The following PLPPR1 variants were observed in gnomAD, a reference collection of about 807,000 sequenced individuals.
PLPPR1 encodes phospholipid phosphatase related 1, also known as phospholipid phosphatase-related protein type 1.
A neutral mutation model predicts 33.1 loss-of-function variants in PLPPR1; 10 were observed. The ratio of observed to expected loss-of-function variants is 0.30; its 90% CI spans 0.19 to 0.51. PLPPR1 has a LOEUF of 0.51. PLPPR1 is among the 20% of genes least tolerant of loss of function. The pLI is 0.97. For synonymous variants in PLPPR1, 151 were observed against 151.0 expected (o/e 1.00, Z 0.00); for missense variants, 304 against 408.1 (o/e 0.74, Z 2.20).
At chr9:101,177,992 G>A (rs1294706834) in intron 1 of PLPPR1, among the ~76,000 whole-genome samples, 1 of 152,218 alleles carries the variant, frequency 6.6e-6, no homozygotes, top group Admixed American at 6.5e-5. Context: ...TGGCTAACTA[G>A]TAAAATGTAA....
chr9:101,109,847 T>C (rs1831030246), intron 1 of PLPPR1, among the ~76,000 whole-genome samples: 1 of 152,210 alleles, frequency 6.6e-6, no homozygotes, highest in Admixed American at 6.5e-5. Context: ...ATATATAATA[T>C]CTGCCACTGG....
intron 1 of PLPPR1, among the ~76,000 whole-genome samples, chr9:101,042,702 CA>C (rs1410218944): frequency 6.6e-6 from 1 of 151,940 alleles, no homozygotes; most frequent in African/African-American, 2.4e-5. Flanking sequence ...TACTTTTGAC[CA>C]AAAGAAAGTT....
intron 1 of PLPPR1, among the ~76,000 whole-genome samples, chr9:101,145,629 C>T (rs1321389766): frequency 1.3e-5 from 2 of 152,130 alleles, no homozygotes; most frequent in East Asian, 3.9e-4. Flanking sequence ...GATCCATCTG[C>T]CTCAGCCTCC....
At chr9:101,082,400 C>T (rs895257362) in intron 1 of PLPPR1, among the ~76,000 whole-genome samples, 1 of 151,960 alleles carries the variant, frequency 6.6e-6, no homozygotes, top group Non-Finnish European at 1.5e-5. Context: ...GAAAAGCATT[C>T]CTCCTCCCCC....
chr9:101,246,953 C>T (rs934338988), intron 2 of PLPPR1, among the ~76,000 whole-genome samples: 6 of 151,968 alleles, frequency 3.9e-5, no homozygotes, highest in African/African-American at 1.4e-4. Context: ...GGCAGAGGTG[C>T]AAGAGCAGTT....
At chr9:101,173,246 C>T (rs1377228638) in intron 1 of PLPPR1, among the ~76,000 whole-genome samples, 1 of 152,112 alleles carries the variant, frequency 6.6e-6, no homozygotes, top group South Asian at 2.1e-4. Flanking sequence ...TTACAGTAGC[C>T]TACTTACAAA....
At chr9:101,154,378 C>G (rs1262246770) in intron 1 of PLPPR1, among the ~76,000 whole-genome samples, 3 of 152,140 alleles carry the variant, frequency 2.0e-5, no homozygotes, top group African/African-American at 7.2e-5. Flanking sequence ...ATTATTGTCT[C>G]AATTTCAGAC....
At position 101,268,231 on chromosome 9, in the gene PLPPR1, C is replaced by T. The variant is rs569202900; in HGVS notation, c.64-1649C>T. Among the ~76,000 whole-genome samples, 6 of 151,078 alleles carry T rather than the reference C, an allele frequency of 4.0e-5. No individual in the cohort carries two copies. In the South Asian group the frequency reaches 1.3e-3, roughly 32 times the overall value. ...CAAACCTGCACATTGTGCACATGTACCCTAAAGTAAAATAAAAATATACAT... is the reference window on the plus strand; with the variant it reads ...CAAACCTGCACATTGTGCACATGTATCCTAAAGTAAAATAAAAATATACAT... On this transcript the variant is annotated intron_variant, in intron 2 of 7. Coordinates refer to ENST00000374874, the MANE Select transcript of PLPPR1 (RefSeq NM_207299.2).
intron 2 of PLPPR1, among the ~76,000 whole-genome samples, chr9:101,256,201 T>G (rs370336947): frequency 6.6e-6 from 1 of 152,218 alleles, no homozygotes; most frequent in African/African-American, 2.4e-5. Context: ...TTTGAAACTT[T>G]CTGCATATAG....
intron 1 of PLPPR1, chr9:101,185,098 A>G (rs1826182053): frequency 6.2e-6 from 1 of 160,182 alleles, no homozygotes; most frequent in African/African-American, 2.4e-5. Context: ...CAGGATGGAC[A>G]AGAAAAAAAA....
intron 3 of PLPPR1, among the ~76,000 whole-genome samples, chr9:101,277,254 G>A (rs946121618): frequency 2.0e-5 from 3 of 152,152 alleles, no homozygotes; most frequent in Non-Finnish European, 4.4e-5. Flanking sequence ...GACTAATATT[G>A]GGGAGTATAT....
chr9:101,205,795 C>A (rs77419985), intron 2 of PLPPR1, among the ~76,000 whole-genome samples: 356 of 152,310 alleles, frequency 2.3e-3, no homozygotes, highest in Non-Finnish European at 4.4e-3. Context: ...TTTGAACTCT[C>A]CTGTAAATGG....
In PLPPR1 at chr9:101,324,217, T is replaced by G; in HGVS notation, c.*160T>G. On this transcript the variant is annotated 3_prime_UTR_variant, in exon 8 of 8. Transcript: ENST00000374874. ...TTTTGTATGAGGAAGTGATGTAGCT[T>G]GCCCTGATTTTTTTTTTTTTTTTTT... 2.0e-6 allele frequency: 1 copy of G among 504,310 alleles called. No homozygotes were observed. The highest frequency in any genetic ancestry group is 3.4e-6 in the Non-Finnish European group (1 of 298,094). The allele number at this position is 504,310 out of a possible 1,614,324, so 31.2% of individuals were successfully genotyped here.
intron 2 of PLPPR1, among the ~76,000 whole-genome samples, chr9:101,239,238 A>G (rs575774379): frequency 2.4e-3 from 366 of 152,026 alleles, no homozygotes; most frequent in African/African-American, 8.1e-3. Context: ...AATACCCAGT[A>G]GTGGGATGGC....
intron 3 of PLPPR1, among the ~76,000 whole-genome samples, chr9:101,279,566 A>G (rs993822407): frequency 7.9e-5 from 12 of 152,226 alleles, no homozygotes; most frequent in Middle Eastern, 3.2e-3. Context: ...AGGACAGGTA[A>G]TATCTTAGGA....
chr9:101,125,758 T>G (rs1831238763), intron 1 of PLPPR1: 1 of 867,492 alleles, frequency 1.2e-6, no homozygotes, highest in Non-Finnish European at 1.7e-6. Flanking sequence ...TGATGACCAC[T>G]GATTTCACTT....
chr9:101,226,512 A>T (rs1312618730), intron 2 of PLPPR1, among the ~76,000 whole-genome samples: 1 of 152,152 alleles, frequency 6.6e-6, no homozygotes, highest in African/African-American at 2.4e-5. Flanking sequence ...AGATCAAGGC[A>T]TTGATAGATT....
intron 1 of PLPPR1, among the ~76,000 whole-genome samples, chr9:101,052,954 G>T (rs1342698129): frequency 6.6e-6 from 1 of 152,156 alleles, no homozygotes; most frequent in Middle Eastern, 3.2e-3. Context: ...TAAGCTGCTG[G>T]TAAAAAGAAA....
At chr9:101,143,600 C>T (rs1369693481) in intron 1 of PLPPR1, among the ~76,000 whole-genome samples, 1 of 152,092 alleles carries the variant, frequency 6.6e-6, no homozygotes, top group African/African-American at 2.4e-5. Context: ...TCAAACGACC[C>T]CATCAAAAAG....
Sources: gnomAD v4.1 joint callset for allele counts (sites outside exome capture counted in the v4.1 genomes callset) on GRCh38, gnomAD v4.1.1 for gene constraint, MANE v1.5 for transcripts, NCBI Gene and HGNC (gene_info 2026-07-23, HGNC 2026-07-21) for gene names.